The following OOEP variants were observed in gnomAD, a reference collection of about 807,000 sequenced individuals.
OOEP encodes oocyte expressed protein.
In OOEP, 16 loss-of-function variants were observed where a neutral mutation model predicts 13.7. The observed-to-expected ratio is 1.16, with a 90% CI of 0.79 to 1.77. OOEP has a LOEUF of 1.77. Among genes scored for constraint, OOEP ranks in the 40% most tolerant of loss-of-function variants. The probability of loss-of-function intolerance (pLI) is 0.00; values close to 1 mark genes in which losing one functional copy is unlikely to be tolerated. For missense variants in OOEP, 195 were observed against 193.1 expected, an observed-to-expected ratio of 1.01 and a Z score of -0.06; for synonymous variants, 89 against 77.1, an observed-to-expected ratio of 1.15 and a Z score of -0.81.
chr6:73,385,257 A>G (rs567539971), intron 2 of OOEP, among the ~76,000 whole-genome samples: 2 of 151,808 alleles, frequency 1.3e-5, no homozygotes, highest in South Asian at 4.2e-4. Context: ...CGAGGCAGGA[A>G]AATGGCGTGA....
chr6:73,380,430 T>C (rs1176419347), intron 2 of OOEP, among the ~76,000 whole-genome samples: 1 of 152,064 alleles, frequency 6.6e-6, no homozygotes. Flanking sequence ...GTAGTGTTTT[T>C]CAACATGGAA....
At chr6:73,394,641 C>A (rs923721324) in intron 1 of OOEP, 14 of 554,940 alleles carry the variant, frequency 2.5e-5, no homozygotes, top group Non-Finnish European at 3.5e-5. Flanking sequence ...CGGGGCACAT[C>A]GACTACTTCA....
At chr6:73,373,341 T>A (rs1206725955), upstream of OOEP, 2 of 1,396,914 alleles carry the variant, frequency 1.4e-6, no homozygotes, top group East Asian at 2.3e-5. Context: ...GTTTTCTTTT[T>A]TGAGACAGGG....
chr6:73,386,091 C>CTT (rs553140658), intron 2 of OOEP, among the ~76,000 whole-genome samples: 33 of 134,806 alleles, frequency 2.4e-4, no homozygotes, highest in Non-Finnish European at 3.5e-4. Context: ...ACATGCTTTT[C>CTT]TTTTTTTTTT....
intron 2 of OOEP, among the ~76,000 whole-genome samples, chr6:73,375,398 G>A (rs1411430780): frequency 6.6e-6 from 1 of 151,916 alleles, no homozygotes; most frequent in African/African-American, 2.4e-5. Flanking sequence ...GGCAGCATAA[G>A]GAGGCCCTGT....
upstream of OOEP, among the ~76,000 whole-genome samples, chr6:73,372,622 A>G (rs773004423): frequency 1.3e-5 from 2 of 152,216 alleles, no homozygotes; most frequent in Non-Finnish European, 2.9e-5. Context: ...TTGGGAGCTC[A>G]GTCAGTCACG....
intron 2 of OOEP, among the ~76,000 whole-genome samples, chr6:73,385,738 C>G (rs908271485): frequency 6.6e-6 from 1 of 152,062 alleles, no homozygotes; most frequent in Non-Finnish European, 1.5e-5. Context: ...TAGGCGCCTG[C>G]CACCACGCCC....
chr6:73,381,411 G>A (rs975426403), intron 2 of OOEP, among the ~76,000 whole-genome samples: 2 of 152,148 alleles, frequency 1.3e-5, no homozygotes, highest in East Asian at 3.9e-4. Flanking sequence ...ACCTAGAGTA[G>A]CCCGGAGGAA....
In OOEP at chr6:73,369,619, C is replaced by T; in HGVS notation, c.174G>A (p.Leu58=). 8 of 1,613,674 alleles carry T rather than the reference C, an allele frequency of 5.0e-6. No individual in the cohort carries two copies. The highest frequency in any genetic ancestry group is 6.8e-6 in the Non-Finnish European group (8 of 1,179,600). The change falls in exon 1 of 3, where the codon CTG becomes CTA. Residue 58 remains leucine, a synonymous_variant. Coordinates refer to ENST00000370359, the MANE Select transcript of OOEP (RefSeq NM_001080507.3). ...GTCGCTCACCAAAGAGCTCGTCTGC[C>T]AGCCATGCCTCTAGGTAGAACACCA... ...DPLVFYLEAW[L]ADELFGPDRA...
At chr6:73,370,080 C>T (rs926952967), upstream of OOEP, 66 of 441,918 alleles carry the variant, frequency 1.5e-4, no homozygotes, top group Admixed American at 1.2e-3. Context: ...CATCTCTGCT[C>T]GTAAGGTATG....
chr6:73,371,924 T>C (rs1232734336), upstream of OOEP, among the ~76,000 whole-genome samples: 3 of 151,618 alleles, frequency 2.0e-5, no homozygotes, highest in African/African-American at 7.3e-5. Flanking sequence ...TGAGACTCCA[T>C]CTCAAAAAAC....
chr6:73,373,270 C>T, upstream of OOEP: 4 of 1,602,018 alleles, frequency 2.5e-6, no homozygotes, highest in Non-Finnish European at 3.4e-6. Context: ...ACATGGCGAG[C>T]AGCGGAGTCA....
At chr6:73,388,889 G>T (rs986221230) in intron 2 of OOEP, among the ~76,000 whole-genome samples, 1 of 152,134 alleles carries the variant, frequency 6.6e-6, no homozygotes, top group African/African-American at 2.4e-5. Context: ...GCCTCCTTGT[G>T]GGAGAGTGTG....
chr6:73,385,704 C>T (rs1028329258), intron 2 of OOEP, among the ~76,000 whole-genome samples: 1 of 151,774 alleles, frequency 6.6e-6, no homozygotes, highest in African/African-American at 2.4e-5. Context: ...TCTCCTATCT[C>T]AGCCTCCTGA....
At position 73,369,648 on chromosome 6, in the gene OOEP, G is replaced by T; in HGVS notation, c.145C>A (p.Pro49Thr). 6.2e-7 allele frequency: 1 copy of T among 1,613,986 alleles called. No homozygotes were observed. The highest frequency in any genetic ancestry group is 8.5e-7 in the Non-Finnish European group (1 of 1,179,886). The change falls in exon 1 of 3, where the codon CCT becomes ACT. Residue 49 changes from proline (P) to threonine (T), a missense_variant. By Grantham distance (38) the Pro-to-Thr change is conservative. Coordinates refer to ENST00000370359, the MANE Select transcript of OOEP (RefSeq NM_001080507.3). ...WWFPVQELRD[P>T]LVFYLEAWLA... ...CATGCCTCTAGGTAGAACACCAAAG[G>T]GTCTCTCAGTTCCTGCACCGGAAAC...
exon 1 of OOEP, chr6:73,394,876 A>G (rs762761067): frequency 6.8e-6 from 11 of 1,610,050 alleles, no homozygotes; most frequent in South Asian, 4.4e-5. Flanking sequence ...CTGGACGGCA[A>G]CGACGTCGGA....
chr6:73,394,863 G>C (rs772771709), exon 1 of OOEP: 2 of 1,604,702 alleles, frequency 1.2e-6, no homozygotes, highest in East Asian at 2.2e-5. Context: ...AGGTGGTGCA[G>C]AGCTGGACGG....
chr6:73,388,143 C>G (rs759500546), intron 2 of OOEP, among the ~76,000 whole-genome samples: 1 of 152,152 alleles, frequency 6.6e-6, no homozygotes, highest in Non-Finnish European at 1.5e-5. Context: ...TCCCAAAGTG[C>G]TGGGATTACA....
chr6:73,377,870 T>C (rs1769155665), intron 2 of OOEP, among the ~76,000 whole-genome samples: 1 of 152,158 alleles, frequency 6.6e-6, no homozygotes, highest in Non-Finnish European at 1.5e-5. Flanking sequence ...AAACAAGTTC[T>C]TGCTATGTTG....
Sources: gnomAD v4.1 joint callset for allele counts (sites outside exome capture counted in the v4.1 genomes callset) on GRCh38, gnomAD v4.1.1 for gene constraint, MANE v1.5 for transcripts, NCBI Gene and HGNC (gene_info 2026-07-23, HGNC 2026-07-21) for gene names.